The following WDPCP variants were observed in gnomAD, a reference collection of about 807,000 sequenced individuals.
WDPCP encodes the protein WD repeat containing planar cell polarity effector.
WDPCP carries 71 observed loss-of-function variants against 93.1 expected under a neutral mutation model. The ratio of observed to expected loss-of-function variants is 0.76; its 90% CI spans 0.63 to 0.93. The LOEUF is 0.93. Among genes scored for constraint, WDPCP ranks in the 40% least tolerant of loss-of-function variants. WDPCP has a pLI of 0.00. For synonymous variants in WDPCP, 315 were observed against 315.0 expected, an observed-to-expected ratio of 1.00 and a Z score of 0.00; for missense variants, 844 against 887.4, an observed-to-expected ratio of 0.95 and a Z score of 0.62.
chr2:63,588,953 C>A, upstream of WDPCP: 1 of 1,581,702 alleles, frequency 6.3e-7, no homozygotes, highest in Non-Finnish European at 8.7e-7. Context: ...TAACACCGCT[C>A]GCCCTCTCCG....
chr2:63,269,988 T>C (rs558796446), intron 13 of WDPCP, among the ~76,000 whole-genome samples: 54 of 152,292 alleles, frequency 3.5e-4, no homozygotes, highest in Non-Finnish European at 7.1e-4. Context: ...GCTTTAAGAA[T>C]TGGGGAAAAA....
At chr2:63,508,749 C>G (rs998537611) in intron 1 of WDPCP, among the ~76,000 whole-genome samples, 2 of 152,042 alleles carry the variant, frequency 1.3e-5, no homozygotes, top group Non-Finnish European at 1.5e-5. Flanking sequence ...ATTTACCAAG[C>G]AAATGGAAAG....
intron 2 of WDPCP, among the ~76,000 whole-genome samples, chr2:63,675,105 T>A (rs1710389166): frequency 6.6e-6 from 1 of 152,146 alleles, no homozygotes; most frequent in African/African-American, 2.4e-5. Context: ...CCTCTGGTTC[T>A]CTCATCACTT....
chr2:63,137,716 C>T (rs62180312), intron 17 of WDPCP, among the ~76,000 whole-genome samples: 22,205 of 151,984 alleles, frequency 0.15, 1,996 homozygotes, highest in Middle Eastern at 0.21. Context: ...TAATCCATCT[C>T]GAGTTAATTT....
In WDPCP at chr2:63,399,632, GTA is replaced by G. The variant is rs199936816; in HGVS notation, c.1435+4414_1435+4415del. ...GGGGGCGGGAAGAGAGAGAGACAGA[GTA>G]TGTGAGAAAGAGAGAGCATGAGTGC... On this transcript the variant is annotated intron_variant, in intron 10 of 17. Coordinates refer to ENST00000272321, the MANE Select transcript of WDPCP (RefSeq NM_015910.7). 5.6e-3 allele frequency among the ~76,000 whole-genome samples: 844 copies of G among 150,460 alleles called. 12 individuals carry two copies. Among genetic ancestry groups the G allele is most frequent in the African/African-American group, 0.019 (798 of 40,982 alleles).
intron 3 of WDPCP, 28 bp from the exon 4 acceptor site, chr2:63,486,614 G>GA: frequency 1.9e-6 from 3 of 1,550,150 alleles, no homozygotes; most frequent in Non-Finnish European, 2.6e-6. Context: ...GGGATAGAAA[G>GA]AAAAAAACAA....
intron 10 of WDPCP, among the ~76,000 whole-genome samples, chr2:63,397,977 A>T (rs1693865178): frequency 6.6e-6 from 1 of 152,110 alleles, no homozygotes; most frequent in African/African-American, 2.4e-5. Context: ...TGCTGTTCCA[A>T]GATAGATGGG....
At chr2:63,508,842 T>C (rs959956026) in intron 1 of WDPCP, among the ~76,000 whole-genome samples, 1 of 152,152 alleles carries the variant, frequency 6.6e-6, no homozygotes, top group Non-Finnish European at 1.5e-5. Flanking sequence ...AAGAAGGGCA[T>C]TACATAATGG....
At chr2:63,406,193 C>G (rs1694570889) in intron 9 of WDPCP, among the ~76,000 whole-genome samples, 1 of 152,116 alleles carries the variant, frequency 6.6e-6, no homozygotes, top group African/African-American at 2.4e-5. Context: ...CACCTTATCA[C>G]CAAATTAATC....
chr2:63,240,917 A>G (rs1488559435), intron 14 of WDPCP, among the ~76,000 whole-genome samples: 1 of 152,198 alleles, frequency 6.6e-6, no homozygotes, highest in African/African-American at 2.4e-5. Context: ...AGAGTTGACA[A>G]CTTGTTTTGG....
chr2:63,722,070 G>C (rs1157754531), intron 2 of WDPCP, among the ~76,000 whole-genome samples: 1 of 152,050 alleles, frequency 6.6e-6, no homozygotes, highest in African/African-American at 2.4e-5. Flanking sequence ...GCGTGATCTC[G>C]GCTCGCTACA....
chr2:63,440,001 GA>G, intron 6 of WDPCP, 130 bp from the exon 7 acceptor site: 1 of 668,708 alleles, frequency 1.5e-6, no homozygotes, highest in East Asian at 2.7e-5. Context: ...AAATTATAAA[GA>G]TTTTCTTCAC....
chr2:63,677,177 G>T (rs1020291435), intron 2 of WDPCP, among the ~76,000 whole-genome samples: 1 of 152,108 alleles, frequency 6.6e-6, no homozygotes, highest in Non-Finnish European at 1.5e-5. Context: ...GGGAATGAAG[G>T]CACTTTTAAT....
chr2:63,527,689 T>C (rs1181812572), intron 1 of WDPCP, among the ~76,000 whole-genome samples: 6 of 152,082 alleles, frequency 3.9e-5, no homozygotes, highest in Non-Finnish European at 8.8e-5. Context: ...TACGTGTGCA[T>C]GTGTCTTTAT....
At chr2:63,132,710 A>G (rs538206626) in intron 17 of WDPCP, among the ~76,000 whole-genome samples, 179 of 151,864 alleles carry the variant, frequency 1.2e-3, no homozygotes, top group Non-Finnish European at 2.1e-3. Context: ...AATAATGTCT[A>G]TCTCTGTTGA....
At chr2:63,422,494 C>G (rs1695941252) in intron 9 of WDPCP, among the ~76,000 whole-genome samples, 1 of 152,096 alleles carries the variant, frequency 6.6e-6, no homozygotes, top group South Asian at 2.1e-4. Flanking sequence ...AGACATTTGT[C>G]CTGTTTACCC....
chr2:63,318,774 G>A (rs1019198511), intron 12 of WDPCP, among the ~76,000 whole-genome samples: 12 of 152,118 alleles, frequency 7.9e-5, no homozygotes, highest in Non-Finnish European at 1.8e-4. Flanking sequence ...AGGCTGGAGT[G>A]TGGGAGGAGG....
At chr2:63,528,061 G>A (rs1408105226) in intron 1 of WDPCP, among the ~76,000 whole-genome samples, 5 of 151,936 alleles carry the variant, frequency 3.3e-5, no homozygotes, top group Admixed American at 2.0e-4. Flanking sequence ...CCTTTTTCAG[G>A]GGTTTATTTG....
intron 6 of WDPCP, among the ~76,000 whole-genome samples, chr2:63,445,124 C>A (rs1453907630): frequency 1.3e-5 from 2 of 151,246 alleles, no homozygotes; most frequent in East Asian, 2.0e-4. Context: ...ACATAAATAA[C>A]ATCTGAGTTT....
Sources: gnomAD v4.1 joint callset for allele counts (sites outside exome capture counted in the v4.1 genomes callset) on GRCh38, gnomAD v4.1.1 for gene constraint, MANE v1.5 for transcripts, NCBI Gene and HGNC (gene_info 2026-07-23, HGNC 2026-07-21) for gene names.